The following MAP3K3 variants were observed in gnomAD, a reference collection of about 807,000 sequenced individuals.
MAP3K3 encodes the protein MAP/ERK kinase kinase 3.
MAP3K3 carries 12 observed loss-of-function variants against 80.9 expected under a neutral mutation model. The ratio of observed to expected loss-of-function variants is 0.15; its 90% CI spans 0.10 to 0.24. The LOEUF is 0.24. Ranked by LOEUF, MAP3K3 falls within the 10% of genes least tolerant of loss-of-function variation. The pLI is 1.00. For missense variants in MAP3K3, 596 were observed against 834.7 expected (o/e 0.71, Z 3.52); for synonymous variants, 272 against 307.1 (o/e 0.89, Z 1.19).
chr17:63,649,903 C>T (rs1199057954), intron 3 of MAP3K3, among the ~76,000 whole-genome samples: 2 of 152,104 alleles, frequency 1.3e-5, no homozygotes, highest in South Asian at 2.1e-4. Context: ...GGTTTAGATC[C>T]CTCTCTCTTG....
Position 63,689,674 on chromosome 17 carries a change from C to T in MAP3K3, c.1002C>T (p.Arg334=). Residue 334 remains arginine, a synonymous_variant, in exon 11 of 16, where the codon CGC becomes CGT. Transcript: ENST00000361733. The surrounding 1 kb of genome is among the most constrained non-coding windows in gnomAD (Gnocchi z 4.3). ...LAVQYLDPRG[R]LRSADSENAL... ...TGCAATACCTGGACCCCCGTGGGCG[C>T]CTGCGGAGTGCGGACAGCGAGAATG... 2 of 1,613,876 alleles carry T rather than the reference C, an allele frequency of 1.2e-6. No homozygotes were observed. Among genetic ancestry groups the T allele is most frequent in the Non-Finnish European group, 1.7e-6 (2 of 1,179,930 alleles).
In MAP3K3 at chr17:63,693,983, G is replaced by C; in HGVS notation, c.*206G>C. 1.9e-6 allele frequency: 1 copy of C among 529,492 alleles called. No individual in the cohort carries two copies. Among genetic ancestry groups the C allele is most frequent in the Non-Finnish European group, 3.3e-6 (1 of 301,364 alleles). 32.8% of individuals were successfully genotyped at this position (529,492 alleles called of 1,614,324 possible). A position where few individuals can be genotyped will look rare whatever the true frequency, so the allele number is the denominator to read the frequency against. Reference sequence around the variant, plus strand: ...CCTCAGGACTGGGAGCCCCCAGCCTGTCAGATCCAGGAGCTCCAGTGTCCT... The same window carrying C: ...CCTCAGGACTGGGAGCCCCCAGCCTCTCAGATCCAGGAGCTCCAGTGTCCT... On this transcript the variant is annotated 3_prime_UTR_variant, in exon 16 of 16. Transcript: ENST00000361733. This position sits in a 1 kb window ranked among gnomAD's most constrained non-coding sequence, Gnocchi z 4.2.
At chr17:63,673,125 G>C (rs1409093647) in intron 6 of MAP3K3, among the ~76,000 whole-genome samples, 1 of 152,136 alleles carries the variant, frequency 6.6e-6, no homozygotes, top group African/African-American at 2.4e-5. Context: ...GGAAGCGCAG[G>C]GTAGCCCAAT....
At chr17:63,645,387 G>A (rs2034521678) in intron 2 of MAP3K3, among the ~76,000 whole-genome samples, 1 of 152,228 alleles carries the variant, frequency 6.6e-6, no homozygotes, top group Admixed American at 6.5e-5. Context: ...GGAAAAGGCT[G>A]GGAACAGTGT....
intron 6 of MAP3K3, among the ~76,000 whole-genome samples, chr17:63,677,694 T>TCATGCAG (rs1819041845): frequency 1.3e-5 from 2 of 152,120 alleles, no homozygotes; most frequent in South Asian, 4.1e-4. Context: ...AGAAAACAAC[T>TCATGCAG]CTGAATTTGA....
At chr17:63,675,350 A>G (rs2035196180) in intron 6 of MAP3K3, among the ~76,000 whole-genome samples, 1 of 152,234 alleles carries the variant, frequency 6.6e-6, no homozygotes, top group Non-Finnish European at 1.5e-5. Context: ...CAAAAAAGCT[A>G]TCTCTTTATA....
rs775841200 is a variant in MAP3K3 at position 63,692,345 on chromosome 17, C to T, written c.1578C>T (p.Ser526=). 16 of 1,613,826 alleles carry T rather than the reference C, an allele frequency of 9.9e-6. No individual in the cohort carries two copies. Among genetic ancestry groups the T allele is most frequent in the African/African-American group, 1.3e-5 (1 of 74,920 alleles). ...GTATGTCGGGGACGGGCATGCGCTC[C>T]GTCACTGGCACACCCTACTGGATGA... ...TICMSGTGMR[S]VTGTPYWMSP... is the part of the protein sequence containing the mutation. The change falls in exon 15 of 16, where the codon TCC becomes TCT. Residue 526 remains serine (S), a synonymous_variant. Coordinates refer to ENST00000361733, the MANE Select transcript of MAP3K3 (RefSeq NM_002401.5). This position sits in a 1 kb window ranked among gnomAD's most constrained non-coding sequence, Gnocchi z 4.5.
chr17:63,687,708 G>A (rs2143603218), intron 8 of MAP3K3, among the ~76,000 whole-genome samples: 1 of 147,064 alleles, frequency 6.8e-6, no homozygotes. Flanking sequence ...AAAAGTCTGG[G>A]GCTGGGCGCG....
intron 4 of MAP3K3, among the ~76,000 whole-genome samples, chr17:63,655,613 C>T (rs1233270698): frequency 6.6e-6 from 1 of 152,082 alleles, no homozygotes; most frequent in Non-Finnish European, 1.5e-5. Context: ...ACCTCAGTTT[C>T]CCCAGTAACT....
At chr17:63,645,111 A>T (rs193170349) in intron 2 of MAP3K3, among the ~76,000 whole-genome samples, 2 of 152,170 alleles carry the variant, frequency 1.3e-5, no homozygotes, top group African/African-American at 4.8e-5. Flanking sequence ...AATTCATTCA[A>T]CCACTTAACA....
intron 6 of MAP3K3, among the ~76,000 whole-genome samples, chr17:63,669,273 T>A (rs755130371): frequency 1.3e-5 from 2 of 152,118 alleles, no homozygotes; most frequent in Non-Finnish European, 2.9e-5. Flanking sequence ...GCTTTTAGAC[T>A]ATGTCTGTGG....
At chr17:63,649,448 A>T (rs1010069481) in intron 3 of MAP3K3, among the ~76,000 whole-genome samples, 2 of 143,614 alleles carry the variant, frequency 1.4e-5, no homozygotes, top group African/African-American at 2.8e-5. Context: ...AAAAAAAAAA[A>T]GTAGACAGGA....
chr17:63,681,760 C>T lies in MAP3K3; in HGVS notation c.503-6C>T, dbSNP rs568813447. On this transcript the variant is annotated splice_region_variant and splice_polypyrimidine_tract_variant and intron_variant, in intron 6 of 15. Coordinates refer to ENST00000361733, the MANE Select transcript of MAP3K3 (RefSeq NM_002401.5). ...TGTTGTTGAAAGCCTCCTTTATGTG[C>T]TCTAGGCTCCCAGAACCCTGGCCGA... 99 of 1,471,584 alleles carry T rather than the reference C, an allele frequency of 6.7e-5. 2 individuals are homozygous for T. The South Asian group carries it at 1.3e-3, about 20-fold the overall frequency. The allele number at this position is 1,471,584 out of a possible 1,614,324, so 91.2% of individuals were successfully genotyped here.
At chr17:63,639,503 A>G (rs1669410003) in intron 2 of MAP3K3, among the ~76,000 whole-genome samples, 1 of 152,228 alleles carries the variant, frequency 6.6e-6, no homozygotes, top group South Asian at 2.1e-4. Flanking sequence ...GATAATGGGT[A>G]TCACTGATTA....
intron 6 of MAP3K3, among the ~76,000 whole-genome samples, chr17:63,679,668 G>A (rs1568148611): frequency 6.6e-6 from 1 of 152,030 alleles, no homozygotes; most frequent in Non-Finnish European, 1.5e-5. Flanking sequence ...TGTAGAGATG[G>A]GGTCTCACCA....
intron 2 of MAP3K3, 148 bp from the exon 3 acceptor site, chr17:63,645,886 C>A: frequency 1.5e-6 from 1 of 664,418 alleles, no homozygotes. Flanking sequence ...AAGGAATGCC[C>A]ATGCCCATCT....
At chr17:63,660,262 G>A (rs780804688) in intron 5 of MAP3K3, among the ~76,000 whole-genome samples, 11 of 152,036 alleles carry the variant, frequency 7.2e-5, no homozygotes, top group South Asian at 2.1e-4. Flanking sequence ...GTGCAGTGGC[G>A]CAGTGACAGC....
chr17:63,680,384 C>A lies in MAP3K3; in HGVS notation c.503-1382C>A, dbSNP rs545722933. On this transcript the variant is annotated intron_variant, in intron 6 of 15. Coordinates refer to ENST00000361733, the MANE Select transcript of MAP3K3 (RefSeq NM_002401.5). Reference sequence around the variant, plus strand: ...CAGGAAAAGGGTTCAGGATAAGAGTCTTACGTTTAAGTTTTGAAGCTACAA... The same window carrying A: ...CAGGAAAAGGGTTCAGGATAAGAGTATTACGTTTAAGTTTTGAAGCTACAA... Among the ~76,000 whole-genome samples the A allele has an allele frequency of 8.5e-5, 13 of 152,246 alleles. No homozygotes were observed. The South Asian group carries it at 2.7e-3, about 32-fold the overall frequency.
intron 6 of MAP3K3, among the ~76,000 whole-genome samples, chr17:63,669,502 A>C (rs2035061727): frequency 1.3e-5 from 2 of 150,274 alleles, no homozygotes; most frequent in African/African-American, 4.9e-5. Context: ...ACAGAGTCTC[A>C]CTGTCACCCA....
Sources: gnomAD v4.1 joint callset for allele counts (sites outside exome capture counted in the v4.1 genomes callset) on GRCh38, gnomAD v4.1.1 for gene constraint, Gnocchi (gnomAD v3.1) non-coding constraint, MANE v1.5 for transcripts, NCBI Gene and HGNC (gene_info 2026-07-23, HGNC 2026-07-21) for gene names.